MGAT4C: variants seen among roughly 807,000 people sequenced by gnomAD.
MGAT4C encodes MGAT4 family member C.
A neutral mutation model predicts 40.1 loss-of-function variants in MGAT4C; 19 were observed. The observed-to-expected ratio is 0.47, with a 90% confidence interval of 0.33 to 0.70. The LOEUF (loss-of-function observed/expected upper bound fraction) is 0.70, where lower values mean the gene tolerates loss of function less well. MGAT4C is among the 30% of genes least tolerant of loss of function. The probability of loss-of-function intolerance (pLI) is 0.02; values close to 1 mark genes in which losing one functional copy is unlikely to be tolerated. For synonymous variants in MGAT4C, 181 were observed against 187.1 expected (o/e 0.97, Z 0.27); for missense variants, 491 against 563.2 (o/e 0.87, Z 1.30).
intron 2 of MGAT4C, among the ~76,000 whole-genome samples, chr12:86,498,148 C>T (rs1384051584): frequency 6.6e-6 from 1 of 150,870 alleles, no homozygotes; most frequent in Non-Finnish European, 1.5e-5. Context: ...CCAATACTTT[C>T]TTTGGGGCAT....
intron 2 of MGAT4C, among the ~76,000 whole-genome samples, chr12:86,682,997 C>T (rs563997201): frequency 6.6e-5 from 10 of 152,240 alleles, no homozygotes; most frequent in Admixed American, 6.5e-4. Context: ...TATAAAGTGA[C>T]AGATATTTCA....
intron 2 of MGAT4C, among the ~76,000 whole-genome samples, chr12:86,544,434 T>C (rs767820664): frequency 5.9e-5 from 9 of 152,192 alleles, no homozygotes; most frequent in Non-Finnish European, 1.3e-4. Flanking sequence ...GTGTGTAACA[T>C]TTTGATGTTT....
chr12:86,390,471 A>G (rs1230696205), intron 3 of MGAT4C, among the ~76,000 whole-genome samples: 1 of 152,202 alleles, frequency 6.6e-6, no homozygotes, highest in Non-Finnish European at 1.5e-5. Flanking sequence ...TCATAGCAGA[A>G]ATACTTTATA....
At chr12:85,999,358 G>A (rs1217846757) in intron 2 of MGAT4C, among the ~76,000 whole-genome samples, 2 of 151,984 alleles carry the variant, frequency 1.3e-5, no homozygotes, top group African/African-American at 4.8e-5. Context: ...ACCTGATTTG[G>A]GGATGACAAG....
chr12:86,651,504 T>A (rs1963696430), intron 2 of MGAT4C, among the ~76,000 whole-genome samples: 1 of 151,902 alleles, frequency 6.6e-6, no homozygotes, highest in Non-Finnish European at 1.5e-5. Flanking sequence ...TATTATTTTT[T>A]AATTGGCAAT....
At position 86,597,642 on chromosome 12, in the gene MGAT4C, A is replaced by T. The variant is rs796078001; in HGVS notation, c.-229+129567T>A. ...TGCATACTGATGAAACTACTGACTC[A>T]GCTGGTTTGAACAATCCCCACAGAT... On this transcript the variant is annotated intron_variant, in intron 2 of 7. Transcript: ENST00000548651. Among the ~76,000 whole-genome samples the T allele has an allele frequency of 7.2e-5, 11 of 152,206 alleles. 1 individual carries two copies. The highest frequency in any genetic ancestry group is 2.4e-4 in the African/African-American group (10 of 41,528).
At chr12:85,998,354 A>G (rs2136760279) in intron 2 of MGAT4C, among the ~76,000 whole-genome samples, 1 of 152,010 alleles carries the variant, frequency 6.6e-6, no homozygotes, top group Admixed American at 6.5e-5. Flanking sequence ...CATTTTCCCT[A>G]TTGTCTTGGT....
chr12:86,396,741 T>A (rs1384585102), intron 3 of MGAT4C, among the ~76,000 whole-genome samples: 2 of 152,034 alleles, frequency 1.3e-5, no homozygotes, highest in African/African-American at 4.8e-5. Context: ...CACTTTAGAG[T>A]AAATAAAATT....
intron 1 of MGAT4C, among the ~76,000 whole-genome samples, chr12:86,080,816 G>A (rs960925099): frequency 1.2e-4 from 19 of 152,240 alleles, no homozygotes; most frequent in Middle Eastern, 3.4e-3. Context: ...TCTTCCCAGC[G>A]TGAGCATAAT....
chr12:86,385,595 C>T (rs369430256), intron 3 of MGAT4C, among the ~76,000 whole-genome samples: 1 of 152,202 alleles, frequency 6.6e-6, no homozygotes, highest in South Asian at 2.1e-4. Context: ...CCAAGCCTGT[C>T]TTGTCAGCCT....
intron 1 of MGAT4C, among the ~76,000 whole-genome samples, chr12:86,051,689 A>G (rs144195740): frequency 3.8e-3 from 572 of 151,656 alleles, no homozygotes; most frequent in African/African-American, 0.013. Context: ...TCTAATTATT[A>G]ATATTTAACA....
At chr12:86,324,385 T>G (rs1054705829) in intron 4 of MGAT4C, among the ~76,000 whole-genome samples, 5 of 152,054 alleles carry the variant, frequency 3.3e-5, no homozygotes, top group African/African-American at 1.2e-4. Context: ...TTCTTTTAAT[T>G]CTTTTTGTGC....
chr12:86,688,913 T>A (rs1950123340), intron 2 of MGAT4C, among the ~76,000 whole-genome samples: 1 of 152,190 alleles, frequency 6.6e-6, no homozygotes, highest in Admixed American at 6.5e-5. Flanking sequence ...TTGGGGAAGT[T>A]CTCCTGGATA....
intron 3 of MGAT4C, among the ~76,000 whole-genome samples, chr12:86,387,911 ATACTC>A (rs1956086439): frequency 6.6e-6 from 1 of 152,156 alleles, no homozygotes. Context: ...CTATGACAAA[ATACTC>A]TATTGTTTTA....
intron 4 of MGAT4C, among the ~76,000 whole-genome samples, chr12:86,284,549 T>C (rs1253314353): frequency 6.6e-6 from 1 of 151,960 alleles, no homozygotes; most frequent in Admixed American, 6.6e-5. Context: ...AATTCCACCC[T>C]TATCCCTTAT....
chr12:86,017,451 C>T (rs761550471), intron 2 of MGAT4C, among the ~76,000 whole-genome samples: 3 of 152,024 alleles, frequency 2.0e-5, no homozygotes, highest in African/African-American at 4.8e-5. Context: ...TCTCTTTATT[C>T]GTTTATAACT....
At chr12:86,472,797 T>C (rs1957774559) in intron 2 of MGAT4C, among the ~76,000 whole-genome samples, 1 of 152,094 alleles carries the variant, frequency 6.6e-6, no homozygotes. Flanking sequence ...AGTATAAATT[T>C]TGAGTCACAG....
intron 1 of MGAT4C, among the ~76,000 whole-genome samples, chr12:86,073,491 G>A (rs953542546): frequency 6.6e-6 from 1 of 152,166 alleles, no homozygotes; most frequent in African/African-American, 2.4e-5. Context: ...GAAAATGTGG[G>A]AAAGTTTGGA....
intron 3 of MGAT4C, among the ~76,000 whole-genome samples, chr12:86,374,354 C>A (rs1232004510): frequency 6.6e-6 from 1 of 152,054 alleles, no homozygotes; most frequent in Non-Finnish European, 1.5e-5. Flanking sequence ...GTACCCAATG[C>A]AAAATATCTA....
Sources: gnomAD v4.1 joint callset for allele counts (sites outside exome capture counted in the v4.1 genomes callset) on GRCh38, gnomAD v4.1.1 for gene constraint, MANE v1.5 for transcripts, NCBI Gene and HGNC (gene_info 2026-07-23, HGNC 2026-07-21) for gene names.